Variants in FHIT observed in about 807,000 individuals in gnomAD.
FHIT encodes the protein fragile histidine triad diadenosine triphosphatase, also known as bis(5'-adenosyl)-triphosphatase.
Under a neutral mutation model 17.9 loss-of-function variants are expected in FHIT, and 19 were observed. The observed-to-expected ratio is 1.06, with a 90% CI of 0.74 to 1.56. FHIT has a LOEUF of 1.56. Ranked by LOEUF, FHIT falls within the 40% of genes most tolerant of loss-of-function variation. The pLI is 0.00. For missense variants in FHIT, 248 were observed against 189.2 expected, an observed-to-expected ratio of 1.31 and a Z score of -1.82; for synonymous variants, 81 against 69.7, an observed-to-expected ratio of 1.16 and a Z score of -0.81.
chr3:60,437,697 T>A (rs1576652131), intron 5 of FHIT, among the ~76,000 whole-genome samples: 1 of 152,128 alleles, frequency 6.6e-6, no homozygotes, highest in Non-Finnish European at 1.5e-5. Flanking sequence ...AGATGTCATA[T>A]GAGGGTATGT....
chr3:60,221,499 T>A (rs1003804259), intron 5 of FHIT, among the ~76,000 whole-genome samples: 2 of 152,194 alleles, frequency 1.3e-5, no homozygotes, highest in Non-Finnish European at 2.9e-5. Context: ...CGTATCACAT[T>A]ACTCTTCAGC....
chr3:61,074,700 T>C (rs916760831), intron 2 of FHIT, among the ~76,000 whole-genome samples: 2 of 152,138 alleles, frequency 1.3e-5, no homozygotes, highest in African/African-American at 4.8e-5. Context: ...AGTATTGTTA[T>C]TTTTCCTAAG....
At chr3:60,917,443 C>T (rs1707064057) in intron 3 of FHIT, among the ~76,000 whole-genome samples, 2 of 152,178 alleles carry the variant, frequency 1.3e-5, no homozygotes, top group African/African-American at 4.8e-5. Flanking sequence ...CAGATCGCAT[C>T]ATTTCCTTCT....
Position 60,924,715 on chromosome 3 carries a change from T to C in FHIT, c.-110-102704A>G, listed in dbSNP as rs915068973. Among the ~76,000 whole-genome samples the C allele has an allele frequency of 3.9e-5, 6 of 152,080 alleles. No individual in the cohort carries two copies. The East Asian group carries it at 9.6e-4, about 24-fold the overall frequency. On this transcript the variant is annotated intron_variant, in intron 3 of 9. Coordinates refer to ENST00000492590, the MANE Select transcript of FHIT (RefSeq NM_002012.4). ...GGAACAAAGCTGGACGGAGAATGAC[T>C]TTGACGAGTTGAGAGAAGAAGGCTT...
rs1271119941 is a variant in FHIT, at chr3:60,043,952, A to C, written c.104-29800T>G. ...ACAGAATAATCCAAACGACAGGCCA[A>C]CGTGGTGAGTGATATTTGAACATCT... On this transcript the variant is annotated intron_variant, in intron 5 of 9. Coordinates refer to ENST00000492590, the MANE Select transcript of FHIT (RefSeq NM_002012.4). Among the ~76,000 whole-genome samples the C allele has an allele frequency of 2.0e-5, 3 of 152,208 alleles. No homozygotes were observed. The East Asian group carries it at 5.8e-4, about 29-fold the overall frequency.
At chr3:59,756,302 GAAATGTACCTCC>G (rs766211755) in intron 8 of FHIT, among the ~76,000 whole-genome samples, 1 of 152,138 alleles carries the variant, frequency 6.6e-6, no homozygotes, top group African/African-American at 2.4e-5. Flanking sequence ...ATCTGGGGAG[GAAATGTACCTCC>G]TTCAGCTCTA....
rs1344600900 is a variant in FHIT, at chr3:60,544,324, C to T, written c.-17-7345G>A. Among the ~76,000 whole-genome samples, 7 of 151,764 alleles carry T rather than the reference C, an allele frequency of 4.6e-5. No homozygotes were observed. In the East Asian group the frequency reaches 1.4e-3, roughly 29 times the overall value. ...TTTAATCAAGCTAAAAATATCCCTTCTATTTCAAGTTTTCTAAGGGTTGAT... is the reference window on the plus strand; with the variant it reads ...TTTAATCAAGCTAAAAATATCCCTTTTATTTCAAGTTTTCTAAGGGTTGAT... On this transcript the variant is annotated intron_variant, in intron 4 of 9. Coordinates refer to ENST00000492590, the MANE Select transcript of FHIT (RefSeq NM_002012.4).
intron 7 of FHIT, among the ~76,000 whole-genome samples, chr3:59,945,353 C>T (rs1397990401): frequency 6.6e-6 from 1 of 152,074 alleles, no homozygotes; most frequent in Non-Finnish European, 1.5e-5. Flanking sequence ...TGTCCTTTGC[C>T]AACTTTTAAA....
intron 3 of FHIT, among the ~76,000 whole-genome samples, chr3:60,932,630 G>A (rs1191310875): frequency 6.6e-6 from 1 of 152,078 alleles, no homozygotes; most frequent in African/African-American, 2.4e-5. Flanking sequence ...TTCCTAGCTA[G>A]GGCTCTCATT....
rs60177380 is a variant in FHIT at position 60,875,923 on chromosome 3, A to ATGTGTGTGTGTGTG, written c.-110-53926_-110-53913dup. ...ATTTTTAGCTAAGGAAAACTTATTC[A>ATGTGTGTGTGTGTG]TGTGTGTGTGTGTGTGTGTGTGTGT... On this transcript the variant is annotated intron_variant, in intron 3 of 9. Transcript: ENST00000492590. 5.8e-4 allele frequency among the ~76,000 whole-genome samples: 79 copies of ATGTGTGTGTGTGTG among 136,898 alleles called. 1 individual carries two copies. Among genetic ancestry groups the ATGTGTGTGTGTGTG allele is most frequent in the East Asian group, 2.0e-3 (9 of 4,440 alleles). 89.8% of individuals were successfully genotyped at this position (136,898 alleles called of 152,430 possible).
At chr3:60,827,173 T>G (rs1213267748) in intron 3 of FHIT, among the ~76,000 whole-genome samples, 2 of 152,158 alleles carry the variant, frequency 1.3e-5, no homozygotes. Flanking sequence ...GGCAAAAAAG[T>G]TTGCAGGAAA....
chr3:60,802,040 C>T (rs1553732489), intron 4 of FHIT, among the ~76,000 whole-genome samples: 1 of 152,174 alleles, frequency 6.6e-6, no homozygotes, highest in East Asian at 1.9e-4. Context: ...TCCTGTTTAA[C>T]AGAGCCCAGC....
At chr3:60,270,576 T>A (rs960475778) in intron 5 of FHIT, among the ~76,000 whole-genome samples, 1 of 152,174 alleles carries the variant, frequency 6.6e-6, no homozygotes, top group Non-Finnish European at 1.5e-5. Flanking sequence ...AAGATTGAAA[T>A]CTGTAACTGG....
At chr3:60,433,298 C>T (rs550316438) in intron 5 of FHIT, among the ~76,000 whole-genome samples, 37 of 151,972 alleles carry the variant, frequency 2.4e-4, no homozygotes, top group South Asian at 2.3e-3. Context: ...ATGTATATCA[C>T]ATTTTCTTTA....
At chr3:59,838,234 A>G (rs1034340267) in intron 8 of FHIT, among the ~76,000 whole-genome samples, 3 of 151,906 alleles carry the variant, frequency 2.0e-5, no homozygotes, top group Non-Finnish European at 4.4e-5. Context: ...TCTCTACCCA[A>G]ACAACCTGCC....
chr3:61,134,096 CACAT>C (rs1359878496), intron 2 of FHIT, among the ~76,000 whole-genome samples: 1 of 146,026 alleles, frequency 6.8e-6, no homozygotes, highest in African/African-American at 2.6e-5. Flanking sequence ...CTCACACACA[CACAT>C]ACACACACAC....
chr3:60,112,047 T>C (rs1477592275), intron 5 of FHIT, among the ~76,000 whole-genome samples: 1 of 152,160 alleles, frequency 6.6e-6, no homozygotes, highest in African/African-American at 2.4e-5. Context: ...CACACTAAGA[T>C]AAGTGGCTCA....
At chr3:61,117,541 G>A (rs1280627302) in intron 2 of FHIT, among the ~76,000 whole-genome samples, 1 of 152,174 alleles carries the variant, frequency 6.6e-6, no homozygotes, top group Non-Finnish European at 1.5e-5. Context: ...AAAGGACAAA[G>A]GAATGCAAAC....
rs9815524 is a variant in FHIT at position 60,207,639 on chromosome 3, C to G, written c.104-193487G>C. Among the ~76,000 whole-genome samples the G allele has an allele frequency of 4.4e-3, 668 of 152,200 alleles. 3 individuals carry two copies. The highest frequency in any genetic ancestry group is 0.034 in the Middle Eastern group (10 of 294). ...TGATGAGAACAACGTATGTGACTAC[C>G]GTGACACTCAATAAAAATGCTATGA... is the stretch of plus-strand genomic sequence containing the variant. On this transcript the variant is annotated intron_variant, in intron 5 of 9. Coordinates refer to ENST00000492590, the MANE Select transcript of FHIT (RefSeq NM_002012.4).
Sources: gnomAD v4.1 joint callset for allele counts (sites outside exome capture counted in the v4.1 genomes callset) on GRCh38, gnomAD v4.1.1 for gene constraint, MANE v1.5 for transcripts, NCBI Gene and HGNC (gene_info 2026-07-23, HGNC 2026-07-21) for gene names.